SHTN1: variants seen among roughly 807,000 people sequenced by gnomAD.
SHTN1 encodes shootin 1.
A neutral mutation model predicts 83.1 loss-of-function variants in SHTN1; 42 were observed. That is an observed-to-expected ratio of 0.51 (90% CI 0.39 to 0.65). The LOEUF (loss-of-function observed/expected upper bound fraction) is 0.65. Among genes scored for constraint, SHTN1 ranks in the 30% least tolerant of loss-of-function variants. SHTN1 has a pLI of 0.00. For missense variants in SHTN1, 622 were observed against 737.8 expected, an observed-to-expected ratio of 0.84 and a Z score of 1.82; for synonymous variants, 224 against 247.7, an observed-to-expected ratio of 0.90 and a Z score of 0.90.
intron 1 of SHTN1, among the ~76,000 whole-genome samples, chr10:117,060,246 T>C (rs1852880843): frequency 6.6e-6 from 1 of 152,030 alleles, no homozygotes; most frequent in Admixed American, 6.6e-5. Flanking sequence ...AAAATAAAAA[T>C]ATATATTGTG....
intron 2 of SHTN1, among the ~76,000 whole-genome samples, chr10:116,977,843 T>C (rs1217706434): frequency 6.6e-6 from 1 of 152,058 alleles, no homozygotes; most frequent in Admixed American, 6.6e-5. Context: ...ACCGATTAAT[T>C]TTTTAACTTT....
Position 117,114,403 on chromosome 10 carries a change from G to C in SHTN1, c.-189+11904C>G, listed in dbSNP as rs552943558. ...GGGCTGTGGTTTTAGGCTCAAGAGG[G>C]GTTGGGGGCAGCCTGCAAGTCTTCA... On this transcript the variant is annotated intron_variant, in intron 1 of 17. Transcript: ENST00000392901. Among the ~76,000 whole-genome samples the C allele has an allele frequency of 3.3e-5, 5 of 152,254 alleles. No individual in the cohort carries two copies. The South Asian group carries it at 1.0e-3, about 32-fold the overall frequency.
intron 6 of SHTN1, among the ~76,000 whole-genome samples, chr10:116,950,565 G>C (rs1589835320): frequency 6.6e-6 from 1 of 152,156 alleles, no homozygotes; most frequent in African/African-American, 2.4e-5. Flanking sequence ...AGTGGGAAGC[G>C]AGAGAATCAT....
Position 116,997,830 on chromosome 10 carries a change from C to T in SHTN1, c.58+7192G>A, listed in dbSNP as rs192207228. On this transcript the variant is annotated intron_variant, in intron 1 of 16. Coordinates refer to ENST00000355371, the MANE Select transcript of SHTN1 (RefSeq NM_001127211.3). ...AGTTAGGGCCAGGCGCGATGGCTCA[C>T]GCCTGTAAACCCAGCACTTTGGGAG... Among the ~76,000 whole-genome samples the T allele has an allele frequency of 1.3e-3, 191 of 152,258 alleles. 1 individual carries two copies. The highest frequency in any genetic ancestry group is 4.3e-3 in the African/African-American group (177 of 41,548).
At chr10:116,968,504 G>A (rs1357980849) in intron 3 of SHTN1, 148 bp downstream of exon 3, 2 of 559,340 alleles carry the variant, frequency 3.6e-6, no homozygotes, top group East Asian at 5.8e-5. Flanking sequence ...TTAAAGTGAT[G>A]CCTGGGCATG....
intron 1 of SHTN1, among the ~76,000 whole-genome samples, chr10:117,049,291 C>A (rs899249252): frequency 1.3e-5 from 2 of 152,010 alleles, no homozygotes; most frequent in Admixed American, 1.3e-4. Context: ...CTGAGGATCA[C>A]CCTAGGTTCA....
chr10:116,939,427 C>G (rs1408748220), intron 9 of SHTN1, among the ~76,000 whole-genome samples: 2 of 152,188 alleles, frequency 1.3e-5, no homozygotes, highest in Non-Finnish European at 2.9e-5. Flanking sequence ...AGGGAGTTCT[C>G]CAATCCCCTG....
At chr10:116,922,224 T>C (rs1005489716) in intron 11 of SHTN1, among the ~76,000 whole-genome samples, 1 of 152,144 alleles carries the variant, frequency 6.6e-6, no homozygotes, top group Non-Finnish European at 1.5e-5. Flanking sequence ...AAGAGGTACT[T>C]GACTTCATTA....
chr10:116,899,002 T>C (rs1048679286), intron 16 of SHTN1, among the ~76,000 whole-genome samples: 1 of 152,202 alleles, frequency 6.6e-6, no homozygotes, highest in Non-Finnish European at 1.5e-5. Flanking sequence ...TGTGATTTTA[T>C]TTAATTTTCT....
chr10:117,034,257 G>T (rs1442467750), intron 2 of SHTN1, among the ~76,000 whole-genome samples: 1 of 152,160 alleles, frequency 6.6e-6, no homozygotes, highest in East Asian at 1.9e-4. Flanking sequence ...CTTGTTTGCA[G>T]ATGCTGTAAT....
intron 1 of SHTN1, among the ~76,000 whole-genome samples, chr10:117,110,096 C>A (rs10510027): frequency 0.66 from 100,239 of 151,928 alleles, 36,508 homozygotes; most frequent in Middle Eastern, 0.84. Context: ...TTTCTGTTCT[C>A]TATAACATCT....
intron 1 of SHTN1, among the ~76,000 whole-genome samples, chr10:117,087,381 C>T (rs889869996): frequency 1.3e-5 from 2 of 152,166 alleles, no homozygotes; most frequent in Admixed American, 1.3e-4. Context: ...TAATTAAAGA[C>T]ACCATGGTGT....
chr10:116,935,489 C>G (rs1302190941), intron 9 of SHTN1, among the ~76,000 whole-genome samples: 1 of 152,152 alleles, frequency 6.6e-6, no homozygotes, highest in Non-Finnish European at 1.5e-5. Context: ...GTATGTTGAA[C>G]CAGCCTTGCA....
At chr10:116,912,543 C>G (rs1348175768) in intron 13 of SHTN1, among the ~76,000 whole-genome samples, 1 of 152,218 alleles carries the variant, frequency 6.6e-6, no homozygotes, top group Non-Finnish European at 1.5e-5. Flanking sequence ...CAGCTCTCTT[C>G]TGGCCATACC....
chr10:116,886,279 TAAC>T lies in SHTN1; in HGVS notation c.*62_*64del, dbSNP rs1236750190. On this transcript the variant is annotated 3_prime_UTR_variant, in exon 17 of 17. Transcript: ENST00000355371. ...AGAATGTCTACAGCCCTTGCCAATA[TAAC>T]AACACTAATCATGTGCTTATTGAAA... 9 of 1,548,032 alleles carry T rather than the reference TAAC, an allele frequency of 5.8e-6. No individual in the cohort carries two copies. The highest frequency in any genetic ancestry group is 1.4e-5 in the African/African-American group (1 of 72,864).
intron 1 of SHTN1, among the ~76,000 whole-genome samples, chr10:117,064,191 A>C (rs1012360841): frequency 5.9e-5 from 9 of 152,346 alleles, no homozygotes; most frequent in African/African-American, 2.2e-4. Context: ...AGCTGGCCTC[A>C]AAAGTAGATG....
intron 9 of SHTN1, among the ~76,000 whole-genome samples, chr10:116,937,485 T>C (rs111986783): frequency 0.025 from 3,877 of 152,284 alleles, 141 homozygotes; most frequent in East Asian, 0.11. Context: ...TGTTGAATAT[T>C]GGCCCCCACT....
At chr10:116,952,116 T>C (rs982583429) in intron 5 of SHTN1, 110 bp from the exon 6 acceptor site, 3 of 469,726 alleles carry the variant, frequency 6.4e-6, no homozygotes, top group Admixed American at 4.1e-5. Flanking sequence ...ATGGTCAAGA[T>C]TATTTAACAA....
At chr10:116,998,577 A>T (rs1851716084) in intron 1 of SHTN1, among the ~76,000 whole-genome samples, 1 of 152,218 alleles carries the variant, frequency 6.6e-6, no homozygotes, top group Admixed American at 6.5e-5. Context: ...AACTTGGAAT[A>T]TATAGGGTTT....
Sources: allele counts gnomAD v4.1 joint callset (sites outside exome capture counted in the v4.1 genomes callset), GRCh38; gene constraint gnomAD v4.1.1; transcripts MANE v1.5; gene names NCBI Gene and HGNC (gene_info 2026-07-23, HGNC 2026-07-21).